LAMA2: variants seen among roughly 807,000 people sequenced by gnomAD.
The protein encoded by LAMA2 is laminin subunit alpha 2, also known as laminin subunit alpha-2.
A neutral mutation model predicts 364.8 loss-of-function variants in LAMA2; 269 were observed. The observed-to-expected ratio is 0.74, with a 90% confidence interval of 0.67 to 0.82. LAMA2 has a LOEUF of 0.82. LAMA2 is among the 40% of genes least tolerant of loss of function. LAMA2 has a pLI of 0.00. For synonymous variants in LAMA2, 1,379 were observed against 1,370.6 expected, an observed-to-expected ratio of 1.01 and a Z score of -0.14; for missense variants, 3,807 against 3,873.2, an observed-to-expected ratio of 0.98 and a Z score of 0.45.
chr6:129,186,189 T>C lies in LAMA2; in HGVS notation c.1468-4016T>C, dbSNP rs12201361. On this transcript the variant is annotated intron_variant, in intron 10 of 64. Coordinates refer to ENST00000421865, the MANE Select transcript of LAMA2 (RefSeq NM_000426.4). ...TTATTAAATTATGTTTTTGCAACCA[T>C]TGAAGTATAGATAAACAAAAAAAGA... 3.9e-3 allele frequency among the ~76,000 whole-genome samples: 596 copies of C among 151,760 alleles called. 2 individuals are homozygous for C. Among genetic ancestry groups the C allele is most frequent in the Non-Finnish European group, 6.8e-3 (458 of 67,746 alleles).
intron 8 of LAMA2, chr6:129,158,485 A>C (rs1779257815): frequency 1.5e-5 from 24 of 1,613,900 alleles, no homozygotes; most frequent in East Asian, 4.5e-5. Context: ...GAACTTTGTG[A>C]CTGGTCAATA....
chr6:128,928,412 A>G (rs1318806613), intron 1 of LAMA2, among the ~76,000 whole-genome samples: 1 of 152,242 alleles, frequency 6.6e-6, no homozygotes, highest in Non-Finnish European at 1.5e-5. Flanking sequence ...TTAGAATACT[A>G]TATTATTTAA....
rs1469623986 is a variant in LAMA2, at chr6:128,956,488, A to G, written c.112+73131A>G. On this transcript the variant is annotated intron_variant, in intron 1 of 64. Transcript: ENST00000421865. ...GTGGAGGTGAAACATAGCACTGGAT[A>G]TTTTTATATGTGTTGGTCTATGTCA... 5.3e-5 allele frequency among the ~76,000 whole-genome samples: 8 copies of G among 152,164 alleles called. No homozygotes were observed. The East Asian group carries it at 1.5e-3, about 29-fold the overall frequency.
chr6:129,252,250 T>A lies in LAMA2; in HGVS notation c.2051T>A (p.Val684Asp). 6.2e-7 allele frequency: 1 copy of A among 1,613,782 alleles called. No individual in the cohort carries two copies. ...ACAGTGCTTGCGAATTTGAAGAGAGTCCTCCTACAAATCACATACAGCTTT... is the reference window on the plus strand; with the variant it reads ...ACAGTGCTTGCGAATTTGAAGAGAGACCTCCTACAAATCACATACAGCTTT... ...FMTVLANLKR[V>D]LLQITYSFGM... Residue 684 changes from valine (V) to aspartate (D), a missense_variant, in exon 14 of 65, where the codon GTC becomes GAC. Val to Asp is a radical substitution (Grantham distance 152). Coordinates refer to ENST00000421865, the MANE Select transcript of LAMA2 (RefSeq NM_000426.4).
intron 40 of LAMA2, among the ~76,000 whole-genome samples, chr6:129,418,090 T>A (rs1371792341): frequency 6.6e-6 from 1 of 152,114 alleles, no homozygotes; most frequent in Non-Finnish European, 1.5e-5. Context: ...CCAGACAGGC[T>A]GACACTGCCA....
At chr6:129,243,953 T>C (rs1426253833) in intron 12 of LAMA2, among the ~76,000 whole-genome samples, 1 of 149,220 alleles carries the variant, frequency 6.7e-6, no homozygotes, top group Non-Finnish European at 1.5e-5. Flanking sequence ...GAAAAGCAGA[T>C]AGGAAGGAAA....
At chr6:129,497,710 C>T (rs1357443484) in intron 58 of LAMA2, among the ~76,000 whole-genome samples, 9 of 152,164 alleles carry the variant, frequency 5.9e-5, no homozygotes. Context: ...ATCCTGCCAG[C>T]AACTTACAGC....
chr6:129,180,255 G>T (rs1263001596), intron 10 of LAMA2, among the ~76,000 whole-genome samples: 2 of 151,982 alleles, frequency 1.3e-5, no homozygotes, highest in Admixed American at 6.6e-5. Flanking sequence ...TTAAATGACA[G>T]GTTTTTAGCA....
At chr6:129,377,503 C>A (rs188554506) in intron 34 of LAMA2, among the ~76,000 whole-genome samples, 2 of 152,202 alleles carry the variant, frequency 1.3e-5, no homozygotes, top group Admixed American at 1.3e-4. Context: ...TGTCATTCCA[C>A]GGGGTCAGCT....
At chr6:129,205,702 G>C (rs1782594787) in intron 12 of LAMA2, among the ~76,000 whole-genome samples, 2 of 151,848 alleles carry the variant, frequency 1.3e-5, no homozygotes, top group Non-Finnish European at 2.9e-5. Context: ...ATAATAATAT[G>C]GAATGATCCA....
chr6:129,045,539 T>C (rs1787422974), intron 1 of LAMA2, among the ~76,000 whole-genome samples: 1 of 152,158 alleles, frequency 6.6e-6, no homozygotes, highest in African/African-American at 2.4e-5. Flanking sequence ...TTTTATAAAG[T>C]GGAAAGAATT....
At chr6:129,067,404 T>C (rs917442580) in intron 3 of LAMA2, among the ~76,000 whole-genome samples, 2 of 152,220 alleles carry the variant, frequency 1.3e-5, no homozygotes, top group Admixed American at 1.3e-4. Flanking sequence ...TGCTGACTTT[T>C]AAAATTATTA....
At chr6:129,405,986 A>G (rs1038579311) in intron 40 of LAMA2, among the ~76,000 whole-genome samples, 9 of 152,126 alleles carry the variant, frequency 5.9e-5, no homozygotes, top group Admixed American at 3.9e-4. Context: ...CAAAGAAACA[A>G]TTTATACATT....
intron 17 of LAMA2, among the ~76,000 whole-genome samples, chr6:129,279,520 A>G (rs1417561776): frequency 6.6e-6 from 1 of 152,166 alleles, no homozygotes; most frequent in Non-Finnish European, 1.5e-5. Context: ...CTCTTCTGAA[A>G]GCTTTCCTGA....
chr6:129,070,800 G>A (rs1773261861), intron 3 of LAMA2, among the ~76,000 whole-genome samples: 1 of 152,176 alleles, frequency 6.6e-6, no homozygotes, highest in African/African-American at 2.4e-5. Flanking sequence ...GTTTGGCAGT[G>A]TTGGTCTTTT....
At chr6:129,375,830 C>G (rs1355579748) in intron 34 of LAMA2, among the ~76,000 whole-genome samples, 3 of 152,174 alleles carry the variant, frequency 2.0e-5, no homozygotes, top group Non-Finnish European at 2.9e-5. Context: ...TCAAACTAAA[C>G]TCATCATTTC....
chr6:129,043,419 C>G (rs2114759173), intron 1 of LAMA2, among the ~76,000 whole-genome samples: 1 of 152,178 alleles, frequency 6.6e-6, no homozygotes, highest in East Asian at 1.9e-4. Flanking sequence ...TTCTATTAAT[C>G]ACATGTAGTG....
intron 58 of LAMA2, 100 bp downstream of exon 58, chr6:129,492,583 T>C (rs1221452926): frequency 9.2e-7 from 1 of 1,088,144 alleles, no homozygotes; most frequent in Non-Finnish European, 1.4e-6. Flanking sequence ...CACTCTGATA[T>C]TAGAATTGAA....
At chr6:128,910,643 A>T (rs984003362) in intron 1 of LAMA2, among the ~76,000 whole-genome samples, 2 of 152,216 alleles carry the variant, frequency 1.3e-5, no homozygotes, top group African/African-American at 4.8e-5. Context: ...AGCTCGTCAA[A>T]GTCGTTCTCC....
Sources: allele counts gnomAD v4.1 joint callset (sites outside exome capture counted in the v4.1 genomes callset), GRCh38; gene constraint gnomAD v4.1.1; transcripts MANE v1.5; gene names NCBI Gene and HGNC (gene_info 2026-07-23, HGNC 2026-07-21).